CALN1: variants seen among roughly 807,000 people sequenced by gnomAD.
CALN1 encodes the protein calcium-binding protein 8.
In CALN1, 17 loss-of-function variants were observed where a neutral mutation model predicts 30.6. The ratio of observed to expected loss-of-function variants is 0.56; its 90% CI spans 0.38 to 0.83. The LOEUF is 0.83. Among genes scored for constraint, CALN1 ranks in the 40% least tolerant of loss-of-function variants. The pLI is 0.00. For missense variants in CALN1, 291 were observed against 354.9 expected, an observed-to-expected ratio of 0.82 and a Z score of 1.45; for synonymous variants, 156 against 131.4, an observed-to-expected ratio of 1.19 and a Z score of -1.28.
At chr7:72,503,416 G>A in the CALN1 span, among the ~76,000 whole-genome samples, 1 of 151,874 alleles carries the variant, frequency 6.6e-6, no homozygotes, top group African/African-American at 2.4e-5. Flanking sequence ...GGGGTATTTG[G>A]GGGTCCAGTT....
chr7:72,378,895 T>C (rs568667110), intron 2 of CALN1, among the ~76,000 whole-genome samples: 22 of 152,138 alleles, frequency 1.4e-4, no homozygotes, highest in Non-Finnish European at 2.9e-4. Context: ...AAAGTTTTTC[T>C]TTTTAAGCCA....
At chr7:71,816,582 G>A (rs1788275545) in intron 5 of CALN1, among the ~76,000 whole-genome samples, 1 of 152,134 alleles carries the variant, frequency 6.6e-6, no homozygotes, top group South Asian at 2.1e-4. Context: ...TTGAGAGGTT[G>A]CTGTCATTCA....
At chr7:72,081,790 C>G (rs76700402) in intron 4 of CALN1, among the ~76,000 whole-genome samples, 1 of 152,060 alleles carries the variant, frequency 6.6e-6, no homozygotes, top group African/African-American at 2.4e-5. Flanking sequence ...TTAATTGGAG[C>G]GGGCATCTCT....
intron 1 of CALN1, among the ~76,000 whole-genome samples, chr7:72,426,361 T>C (rs943309039): frequency 4.6e-5 from 7 of 152,192 alleles, no homozygotes; most frequent in African/African-American, 1.7e-4. Flanking sequence ...ATGGGGGAGT[T>C]TCTCCCATGC....
At chr7:72,220,821 T>G (rs1489359811) in intron 3 of CALN1, among the ~76,000 whole-genome samples, 1 of 152,242 alleles carries the variant, frequency 6.6e-6, no homozygotes, top group African/African-American at 2.4e-5. Context: ...TCATGTGTTT[T>G]TTGGCTGCAT....
chr7:72,175,718 G>A (rs576807229), intron 3 of CALN1, among the ~76,000 whole-genome samples: 10 of 151,956 alleles, frequency 6.6e-5, no homozygotes, highest in East Asian at 2.0e-4. Context: ...AACAAACGCC[G>A]CCACTTTAAG....
At chr7:71,818,672 TTTTATTTATTTATTTATTTATTTA>T (rs72244772) in intron 5 of CALN1, among the ~76,000 whole-genome samples, 8 of 131,080 alleles carry the variant, frequency 6.1e-5, no homozygotes, top group South Asian at 2.6e-4. Context: ...GACCAGCTTA[TTTTATTTATTTATTTATTTATTTA>T]TTTATTTATT....
At chr7:71,939,403 C>CAAAAAA (rs56368426) in intron 5 of CALN1, among the ~76,000 whole-genome samples, 1 of 105,476 alleles carries the variant, frequency 9.5e-6, no homozygotes, top group Non-Finnish European at 1.9e-5. Context: ...ACTAAAAATA[C>CAAAAAA]AAAAAAAAAA....
intron 4 of CALN1, among the ~76,000 whole-genome samples, chr7:72,045,778 T>A (rs1340936019): frequency 6.6e-6 from 1 of 151,968 alleles, no homozygotes; most frequent in Non-Finnish European, 1.5e-5. Context: ...GGTGGGTGGA[T>A]CACCTGAGGT....
intron 3 of CALN1, among the ~76,000 whole-genome samples, chr7:72,254,921 C>T (rs1795812140): frequency 6.6e-6 from 1 of 152,188 alleles, no homozygotes; most frequent in Admixed American, 6.5e-5. Context: ...CTTGCACCAC[C>T]ACGCCCAGCT....
chr7:71,912,214 C>T (rs1229959145), intron 5 of CALN1, among the ~76,000 whole-genome samples: 1 of 151,990 alleles, frequency 6.6e-6, no homozygotes, highest in Admixed American at 6.6e-5. Flanking sequence ...GTCCAGCTGC[C>T]TAGTGATTTC....
At chr7:72,156,031 T>C (rs1787655946) in intron 3 of CALN1, among the ~76,000 whole-genome samples, 1 of 152,136 alleles carries the variant, frequency 6.6e-6, no homozygotes, top group Admixed American at 6.5e-5. Flanking sequence ...ATCTGCAAAG[T>C]CCCTTTTGCC....
intron 5 of CALN1, among the ~76,000 whole-genome samples, chr7:71,828,969 G>A (rs1789099415): frequency 6.6e-6 from 1 of 151,846 alleles, no homozygotes; most frequent in Admixed American, 6.6e-5. Context: ...GGCTGGTCTC[G>A]AACCCCTGAC....
intron 4 of CALN1, among the ~76,000 whole-genome samples, chr7:72,029,557 G>A (rs1260259190): frequency 6.6e-6 from 1 of 152,154 alleles, no homozygotes; most frequent in East Asian, 1.9e-4. Flanking sequence ...ACCAAACCAT[G>A]ATTAGAACCT....
chr7:72,350,857 A>T (rs1470592772), intron 2 of CALN1, among the ~76,000 whole-genome samples: 2 of 152,200 alleles, frequency 1.3e-5, no homozygotes, highest in African/African-American at 4.8e-5. Context: ...TTTAAAGGTG[A>T]TGGCTGGGTG....
intron 4 of CALN1, among the ~76,000 whole-genome samples, chr7:72,098,980 C>A (rs1417711334): frequency 6.6e-6 from 1 of 152,190 alleles, no homozygotes; most frequent in Admixed American, 6.5e-5. Flanking sequence ...AAGGCACCCC[C>A]GCTCCCAGTG....
chr7:72,263,050 T>C (rs1259170751), intron 3 of CALN1, among the ~76,000 whole-genome samples: 2 of 152,238 alleles, frequency 1.3e-5, no homozygotes, highest in Non-Finnish European at 2.9e-5. Context: ...CCCTGTCCAG[T>C]GTTTTGCTTC....
chr7:72,168,807 T>TATTA (rs1554463088), intron 3 of CALN1, among the ~76,000 whole-genome samples: 111 of 130,222 alleles, frequency 8.5e-4, no homozygotes, highest in African/African-American at 2.6e-3. Context: ...TTATTATTAT[T>TATTA]TTTTTTTTTT....
chr7:72,043,877 A>G (rs1252131080), intron 4 of CALN1, among the ~76,000 whole-genome samples: 1 of 152,230 alleles, frequency 6.6e-6, no homozygotes. Flanking sequence ...ATGGCTGGGG[A>G]GGCCTCACAA....
Sources: allele counts gnomAD v4.1 joint callset (sites outside exome capture counted in the v4.1 genomes callset), GRCh38; gene constraint gnomAD v4.1.1; transcripts MANE v1.5; gene names NCBI Gene and HGNC (gene_info 2026-07-23, HGNC 2026-07-21).